ARMC9: variants seen among roughly 807,000 people sequenced by gnomAD.
ARMC9 encodes the protein lisH domain-containing protein ARMC9.
A neutral mutation model predicts 107.0 loss-of-function variants in ARMC9; 94 were observed. The ratio of observed to expected loss-of-function variants is 0.88; its 90% CI spans 0.74 to 1.04. The LOEUF (loss-of-function observed/expected upper bound fraction) is 1.04. Ranked by LOEUF, ARMC9 falls within the 50% of genes least tolerant of loss-of-function variation. The pLI is 0.00. For missense variants in ARMC9, 942 were observed against 1,030.1 expected, an observed-to-expected ratio of 0.91 and a Z score of 1.17; for synonymous variants, 380 against 396.9, an observed-to-expected ratio of 0.96 and a Z score of 0.51.
intron 5 of ARMC9, among the ~76,000 whole-genome samples, chr2:231,218,908 T>A (rs1340797188): frequency 1.3e-5 from 2 of 151,994 alleles, no homozygotes; most frequent in Non-Finnish European, 2.9e-5. Context: ...CACGCCACCA[T>A]GTCCGGCTAA....
In ARMC9 at chr2:231,324,512, G is replaced by A. The variant is rs1298543732; in HGVS notation, c.1774-7281G>A. The stretch of plus-strand genomic sequence containing the variant: ...CACGCCTGTAATCCCAGCACTTCGG[G>A]AGGCCAAGGTGGGCAGATCACCTGA... On this transcript the variant is annotated intron_variant, in intron 19 of 24. Transcript: ENST00000611582. Among the ~76,000 whole-genome samples the A allele has an allele frequency of 2.0e-5, 3 of 150,754 alleles. No individual in the cohort carries two copies. In the East Asian group the frequency reaches 5.9e-4, roughly 30 times the overall value.
chr2:231,351,507 T>G (rs2045080320), intron 21 of ARMC9, among the ~76,000 whole-genome samples: 1 of 152,144 alleles, frequency 6.6e-6, no homozygotes. Context: ...AATTATTTAT[T>G]CCAGCAGCCA....
At position 231,256,632 on chromosome 2, in the gene ARMC9, C is replaced by G; in HGVS notation, c.914+12C>G. 2 of 1,612,928 alleles carry G rather than the reference C, an allele frequency of 1.2e-6. No individual in the cohort carries two copies. Among genetic ancestry groups the G allele is most frequent in the Non-Finnish European group, 1.7e-6 (2 of 1,178,974 alleles). On this transcript the variant is annotated intron_variant, in intron 10 of 24. Coordinates refer to ENST00000611582, the MANE Select transcript of ARMC9 (RefSeq NM_001352754.2). ...TCCTTGGCACCCGTGTAAGTAACTG[C>G]TCTTAGGAATTTTTATTAAGGAGAA...
chr2:231,287,838 A>T (rs1011887642), intron 17 of ARMC9, among the ~76,000 whole-genome samples: 1 of 152,220 alleles, frequency 6.6e-6, no homozygotes, highest in South Asian at 2.1e-4. Context: ...ATGAGCAAAG[A>T]TGTATGTATC....
chr2:231,350,296 G>C (rs1202236577), intron 21 of ARMC9, among the ~76,000 whole-genome samples: 2 of 152,058 alleles, frequency 1.3e-5, no homozygotes, highest in African/African-American at 2.4e-5. Flanking sequence ...AAAATGCTGG[G>C]ATTACAGGTG....
rs571179581 is a variant in ARMC9 at position 231,374,644 on chromosome 2, T to A, written c.*3109T>A. 6.6e-6 allele frequency: 1 copy of A among 152,064 alleles called. No homozygotes were observed. The highest frequency in any genetic ancestry group is 6.6e-5 in the Admixed American group (1 of 15,256). 9.4% of individuals were successfully genotyped at this position (152,064 alleles called of 1,614,324 possible). A position where few individuals can be genotyped will look rare whatever the true frequency, so the allele number is the denominator to read the frequency against. ...AAAGGTAAAGAAAAGAAATCCATGATAAAATATCAAACTTTTTAATAAAAA... is the reference window on the plus strand; with the variant it reads ...AAAGGTAAAGAAAAGAAATCCATGAAAAAATATCAAACTTTTTAATAAAAA... On this transcript the variant is annotated 3_prime_UTR_variant, in exon 25 of 25. Coordinates refer to ENST00000611582, the MANE Select transcript of ARMC9 (RefSeq NM_001352754.2).
chr2:231,289,265 G>A (rs1188190621), intron 17 of ARMC9, among the ~76,000 whole-genome samples: 3 of 152,102 alleles, frequency 2.0e-5, no homozygotes, highest in Non-Finnish European at 2.9e-5. Flanking sequence ...CCAGGAGTTC[G>A]AGACCAGCCT....
chr2:231,237,753 GTATATA>G (rs1226959333), intron 8 of ARMC9, among the ~76,000 whole-genome samples: 1,717 of 24,330 alleles, frequency 0.071, 130 homozygotes, highest in East Asian at 0.097. Context: ...TTGGCTATAT[GTATATA>G]TATATATATA....
chr2:231,337,473 T>TG (rs926192985), intron 20 of ARMC9, among the ~76,000 whole-genome samples: 1 of 129,126 alleles, frequency 7.7e-6, no homozygotes, highest in African/African-American at 3.2e-5. Context: ...ATTTTTGTTT[T>TG]TTTTTTTTTT....
At chr2:231,274,696 C>T (rs1374017942) in intron 14 of ARMC9, among the ~76,000 whole-genome samples, 3 of 152,168 alleles carry the variant, frequency 2.0e-5, no homozygotes, top group Non-Finnish European at 4.4e-5. Context: ...CTTCTGAACA[C>T]ACTTTCTTCC....
At chr2:231,316,160 ATG>A (rs141395956) in intron 19 of ARMC9, among the ~76,000 whole-genome samples, 17,085 of 147,126 alleles carry the variant, frequency 0.12, 1,150 homozygotes, top group South Asian at 0.26. Flanking sequence ...GTGTGTATGT[ATG>A]TGTGTGTGTG....
At chr2:231,364,549 C>T (rs1050598762) in intron 23 of ARMC9, among the ~76,000 whole-genome samples, 14 of 152,194 alleles carry the variant, frequency 9.2e-5, no homozygotes, top group African/African-American at 3.4e-4. Flanking sequence ...GGAATCCCAG[C>T]ACTTTGGGAG....
At chr2:231,318,390 A>G (rs895186120) in intron 19 of ARMC9, among the ~76,000 whole-genome samples, 25 of 152,202 alleles carry the variant, frequency 1.6e-4, no homozygotes, top group Non-Finnish European at 5.9e-5. Flanking sequence ...ACAAAAAATT[A>G]TCTGCAAGTT....
chr2:231,347,445 C>T (rs904134726), intron 21 of ARMC9, among the ~76,000 whole-genome samples: 8 of 152,124 alleles, frequency 5.3e-5, no homozygotes, highest in African/African-American at 1.9e-4. Context: ...TGGGCACTCT[C>T]CCCAGCTACA....
At chr2:231,368,915 G>C (rs2045913694) in intron 23 of ARMC9, among the ~76,000 whole-genome samples, 1 of 152,076 alleles carries the variant, frequency 6.6e-6, no homozygotes, top group Non-Finnish European at 1.5e-5. Context: ...GAGCCACCGC[G>C]CCCGGCCTAT....
At chr2:231,210,507 A>G (rs2032669477) in intron 3 of ARMC9, among the ~76,000 whole-genome samples, 1 of 152,222 alleles carries the variant, frequency 6.6e-6, no homozygotes, top group Non-Finnish European at 1.5e-5. Flanking sequence ...TAAAGCTACC[A>G]TTTGAGAGGA....
chr2:231,229,821 T>C (rs1305317972), intron 7 of ARMC9, among the ~76,000 whole-genome samples: 47 of 152,184 alleles, frequency 3.1e-4, no homozygotes, highest in Non-Finnish European at 2.9e-5. Context: ...AACAATTCCA[T>C]ATTTAAAAGT....
At chr2:231,292,497 G>A (rs946267638) in intron 18 of ARMC9, among the ~76,000 whole-genome samples, 8 of 152,158 alleles carry the variant, frequency 5.3e-5, no homozygotes, top group Non-Finnish European at 7.3e-5. Context: ...GAGGCAATGT[G>A]GTCCTCATTC....
chr2:231,340,281 C>T (rs550998153), intron 20 of ARMC9, among the ~76,000 whole-genome samples: 7 of 152,240 alleles, frequency 4.6e-5, no homozygotes, highest in South Asian at 2.1e-4. Flanking sequence ...TTCTGGTACC[C>T]GGAGAGCATC....
Sources: allele counts gnomAD v4.1 joint callset (sites outside exome capture counted in the v4.1 genomes callset), GRCh38; gene constraint gnomAD v4.1.1; transcripts MANE v1.5; gene names NCBI Gene and HGNC (gene_info 2026-07-23, HGNC 2026-07-21).